Variants in PCK2 observed in about 807,000 individuals in gnomAD.
The protein encoded by PCK2 is phosphoenolpyruvate carboxykinase 2, mitochondrial, also known as phosphoenolpyruvate carboxykinase [GTP], mitochondrial.
PCK2 carries 56 observed loss-of-function variants against 65.9 expected under a neutral mutation model. The observed-to-expected ratio is 0.85, with a 90% CI of 0.69 to 1.06. The LOEUF is 1.06. Ranked by LOEUF, PCK2 falls within the 50% of genes least tolerant of loss-of-function variation. PCK2 has a pLI of 0.00. For missense variants in PCK2, 843 were observed against 863.1 expected (o/e 0.98, Z 0.29); for synonymous variants, 305 against 319.6 (o/e 0.95, Z 0.49).
Position 24,099,346 on chromosome 14 carries a change from G to A in PCK2, c.852+110G>A, listed in dbSNP as rs570889895. 4.7e-5 allele frequency: 55 copies of A among 1,165,436 alleles called. No individual in the cohort carries two copies. In the East Asian group the frequency reaches 7.4e-4, roughly 16 times the overall value. The allele number at this position is 1,165,436 out of a possible 1,614,324, so 72.2% of individuals were successfully genotyped here. A position where few individuals can be genotyped will look rare whatever the true frequency, so the allele number is the denominator to read the frequency against. On this transcript the variant is annotated intron_variant, in intron 5 of 9. Coordinates refer to ENST00000216780, the MANE Select transcript of PCK2 (RefSeq NM_004563.4). ...CCTGCCAGGTGCCAGGCTGGTGGGC[G>A]GGGACTCTACTTGAAGGCCCAAAGC... is the stretch of plus-strand genomic sequence containing the variant.
chr14:24,098,443 A>G (rs754795214), intron 3 of PCK2, 32 bp from the exon 4 acceptor site: 24 of 1,613,368 alleles, frequency 1.5e-5, no homozygotes, highest in Non-Finnish European at 1.9e-5. Context: ...CAGGTTTGGA[A>G]CCCTTCATCC....
intron 2 of PCK2, among the ~76,000 whole-genome samples, chr14:24,097,645 T>C (rs1436735196): frequency 6.6e-6 from 1 of 150,396 alleles, no homozygotes; most frequent in Non-Finnish European, 1.5e-5. Flanking sequence ...TGGAGTGCAG[T>C]GGCATGATTT....
Position 24,103,509 on chromosome 14 carries a change from G to C in PCK2, c.1469-1G>C. The C allele has an allele frequency of 1.0e-5, 16 of 1,543,578 alleles. No homozygotes were observed. The highest frequency in any genetic ancestry group is 1.4e-5 in the Non-Finnish European group (16 of 1,144,584). ...CCTTACCCATCTTGCTTCCCCCCCA[G>C]GGAAGATCATCATGCACGACCCATT... On this transcript the variant is annotated splice_acceptor_variant, in intron 9 of 9. Transcript: ENST00000216780. LOFTEE classifies it high-confidence loss of function.
rs149467663 is a variant in PCK2 at position 24,100,023 on chromosome 14, C to T, written c.1044C>T (p.Asn348=). The stretch of plus-strand genomic sequence containing the variant: ...GACTCCGGGCCATCAACCCTGAGAA[C>T]GGCTTCTTTGGGGTTGCCCCTGGTA... ...EGRLRAINPE[N]GFFGVAPGTS... Residue 348 remains asparagine (N), a synonymous_variant, in exon 7 of 10, where the codon AAC becomes AAT. Coordinates refer to ENST00000216780, the MANE Select transcript of PCK2 (RefSeq NM_004563.4). 7.7e-4 allele frequency: 1,250 copies of T among 1,614,106 alleles called. 2 individuals carry two copies. Among genetic ancestry groups the T allele is most frequent in the Non-Finnish European group, 1.0e-3 (1,197 of 1,179,952 alleles).
chr14:24,100,834 T>C (rs2037134362), intron 7 of PCK2, among the ~76,000 whole-genome samples: 1 of 152,176 alleles, frequency 6.6e-6, no homozygotes, highest in Non-Finnish European at 1.5e-5. Context: ...ATCAGGTCAG[T>C]GCTTGAGTCT....
chr14:24,098,567 G>C lies in PCK2; in HGVS notation c.553G>C (p.Val185Leu). Residue 185 changes from valine (V) to leucine (L), a missense_variant, in exon 4 of 10, where the codon GTG (valine) becomes CTG (leucine). Coordinates refer to ENST00000216780, the MANE Select transcript of PCK2 (RefSeq NM_004563.4). Reference sequence around the variant, plus strand: ...GCAGCTCACTGACTCAGCCTATGTGGTGGCAAGCATGCGTATTATGACCCG... The same window carrying C: ...GCAGCTCACTGACTCAGCCTATGTGCTGGCAAGCATGCGTATTATGACCCG... Reference protein sequence around the residue: ...GVQLTDSAYVVASMRIMTRLG... With the variant: ...GVQLTDSAYVLASMRIMTRLG... 6.2e-7 allele frequency: 1 copy of C among 1,614,184 alleles called. No homozygotes were observed. The highest frequency in any genetic ancestry group is 1.1e-5 in the South Asian group (1 of 91,092).
chr14:24,094,916 C>G lies in PCK2; in HGVS notation c.29+482C>G, dbSNP rs1054106343. On this transcript the variant is annotated intron_variant, in intron 1 of 9. Transcript: ENST00000216780. The surrounding 1 kb of genome is among the most constrained non-coding windows in gnomAD (Gnocchi z 4.1). The stretch of plus-strand genomic sequence containing the variant: ...TGGAAGGTTAAATATCCATTCCCGG[C>G]CTCTCCCGGACTGGAAGGACTGGAA... The G allele has an allele frequency of 3.5e-6, 4 of 1,158,184 alleles. No individual in the cohort carries two copies. The African/African-American group carries it at 6.3e-5, about 18-fold the overall frequency. The allele number at this position is 1,158,184 out of a possible 1,614,324, so 71.7% of individuals were successfully genotyped here. A position where few individuals can be genotyped will look rare whatever the true frequency, so the allele number is the denominator to read the frequency against.
rs147825391 is a variant in PCK2 at position 24,097,235 on chromosome 14, G to T, written c.275+98G>T. The T allele has an allele frequency of 8.1e-6, 9 of 1,110,304 alleles. No homozygotes were observed. In the East Asian group the frequency reaches 2.1e-4, roughly 27 times the overall value. 68.8% of individuals were successfully genotyped at this position (1,110,304 alleles called of 1,614,324 possible). A position where few individuals can be genotyped will look rare whatever the true frequency, so the allele number is the denominator to read the frequency against. ...CTTAACTAGAACATCCCAATGGAATGAACAAGAATGAGAGCTTTGGGGTAA... is the reference window on the plus strand; with the variant it reads ...CTTAACTAGAACATCCCAATGGAATTAACAAGAATGAGAGCTTTGGGGTAA... On this transcript the variant is annotated intron_variant, in intron 2 of 9. Transcript: ENST00000216780.
chr14:24,095,234 CACTT>C (rs760990386), intron 1 of PCK2: 13 of 455,950 alleles, frequency 2.9e-5, no homozygotes, highest in South Asian at 2.0e-4. Flanking sequence ...GGAAACGTCC[CACTT>C]AGAGGGCTGC....
rs77298044 is a variant in PCK2 at position 24,094,411 on chromosome 14, C to T, written c.6C>T (p.Ala2=). The T allele has an allele frequency of 0.031, 48,894 of 1,559,660 alleles. 922 individuals carry two copies. Among genetic ancestry groups the T allele is most frequent in the Non-Finnish European group, 0.038 (43,416 of 1,157,178 alleles). The part of the protein sequence containing the change: M[A]ALYRPGLRLN... ...GCAGCCCCTGCCCAGGTGCCATGGC[C>T]GCATTGTACCGCCCTGGCCTGCGGT... Residue 2 remains alanine (A), a synonymous_variant, in exon 1 of 10, where the codon GCC becomes GCT. Transcript: ENST00000216780. The surrounding 1 kb of genome is among the most constrained non-coding windows in gnomAD (Gnocchi z 4.1).
At chr14:24,097,519 G>A (rs1240550526) in intron 2 of PCK2, among the ~76,000 whole-genome samples, 4 of 150,978 alleles carry the variant, frequency 2.6e-5, no homozygotes, top group African/African-American at 7.3e-5. Flanking sequence ...AGCCAAGATC[G>A]CGTCATTGCA....
At position 24,100,232 on chromosome 14, in the gene PCK2, G is replaced by T. The variant is rs1330203150; in HGVS notation, c.1234+19G>T. 1 of 1,613,654 alleles carries T rather than the reference G, an allele frequency of 6.2e-7. No individual in the cohort carries two copies. Among genetic ancestry groups the T allele is most frequent in the Admixed American group, 1.7e-5 (1 of 59,946 alleles). ...AAACCTGGTATGTGCGGTGGGGAAGGTGTGGCACAGCCTCCAGGCCTCAGC... is the reference window on the plus strand; with the variant it reads ...AAACCTGGTATGTGCGGTGGGGAAGTTGTGGCACAGCCTCCAGGCCTCAGC... On this transcript the variant is annotated intron_variant, in intron 7 of 9. Transcript: ENST00000216780.
chr14:24,100,494 G>A, intron 7 of PCK2: 1 of 810,586 alleles, frequency 1.2e-6, no homozygotes, highest in Non-Finnish European at 1.8e-6. Flanking sequence ...TGAGATTGTT[G>A]GAGGATTAAA....
Position 24,094,452 on chromosome 14 carries a change from C to T in PCK2, c.29+18C>T, listed in dbSNP as rs1429837610. On this transcript the variant is annotated intron_variant, in intron 1 of 9. Transcript: ENST00000216780. The surrounding 1 kb of genome is among the most constrained non-coding windows in gnomAD (Gnocchi z 4.1). ...GGCCTGCGGTGAGTGACCCCCGGCC[C>T]GGGGCCCACCCGCACCTTCCGCTGC... The T allele has an allele frequency of 3.9e-6, 6 of 1,532,374 alleles. No individual in the cohort carries two copies. The Admixed American group carries it at 6.4e-5, about 16-fold the overall frequency. The allele number at this position is 1,532,374 out of a possible 1,614,324, so 94.9% of individuals were successfully genotyped here. A position where few individuals can be genotyped will look rare whatever the true frequency, so the allele number is the denominator to read the frequency against.
At position 24,103,658 on chromosome 14, in the gene PCK2, G is replaced by A. The variant is rs1175262229; in HGVS notation, c.1617G>A (p.Glu539=). The change falls in exon 10 of 10, where the codon GAG becomes GAA. Residue 539 remains glutamate, a synonymous_variant. Coordinates refer to ENST00000216780, the MANE Select transcript of PCK2 (RefSeq NM_004563.4). ...ATGTCAACTGGTTCCGGCGTGACGA[G>A]GCAGGGCACTTCCTGTGGCCAGGCT... ...IFHVNWFRRD[E]AGHFLWPGFG... 6.2e-6 allele frequency: 10 copies of A among 1,614,116 alleles called. No homozygotes were observed. Among genetic ancestry groups the A allele is most frequent in the African/African-American group, 1.3e-5 (1 of 74,948 alleles).
chr14:24,100,830 T>G (rs757166424), intron 7 of PCK2, among the ~76,000 whole-genome samples: 2 of 152,152 alleles, frequency 1.3e-5, no homozygotes, highest in Non-Finnish European at 2.9e-5. Context: ...CAAAATCAGG[T>G]CAGTGCTTGA....
Position 24,097,000 on chromosome 14 carries a change from T to C in PCK2, c.138T>C (p.Asp46=). Reference sequence around the variant, plus strand: ...GCCAGCTTCCCACTGGCATTCGAGATTTTGTAGAGCACAGTGCCCGCCTGT... The same window carrying C: ...GCCAGCTTCCCACTGGCATTCGAGACTTTGTAGAGCACAGTGCCCGCCTGT... ...DLGQLPTGIR[D]FVEHSARLCQ... The change falls in exon 2 of 10, where the codon GAT becomes GAC. Residue 46 remains aspartate, a synonymous_variant. Coordinates refer to ENST00000216780, the MANE Select transcript of PCK2 (RefSeq NM_004563.4). 1 of 1,613,306 alleles carries C rather than the reference T, an allele frequency of 6.2e-7. No homozygotes were observed. Among genetic ancestry groups the C allele is most frequent in the African/African-American group, 1.3e-5 (1 of 74,762 alleles).
rs2037006067 is a variant in PCK2 at position 24,098,546 on chromosome 14, C to T, written c.532C>T (p.Leu178Phe). Reference protein sequence around the residue: ...GSPLSRIGVQLTDSAYVVASM... With the variant: ...GSPLSRIGVQFTDSAYVVASM... ...CCCGCTGTCCCGCATCGGGGTGCAG[C>T]TCACTGACTCAGCCTATGTGGTGGC... Residue 178 changes from leucine to phenylalanine, a missense_variant, in exon 4 of 10, where the codon CTC becomes TTC. Leu to Phe is a conservative substitution (Grantham distance 22). Transcript: ENST00000216780. 1 of 1,614,078 alleles carries T rather than the reference C, an allele frequency of 6.2e-7. No individual in the cohort carries two copies. Among genetic ancestry groups the T allele is most frequent in the South Asian group, 1.1e-5 (1 of 91,088 alleles).
chr14:24,102,651 C>CAAA, intron 7 of PCK2, 102 bp from the exon 8 acceptor site: 1 of 881,880 alleles, frequency 1.1e-6, no homozygotes, highest in Non-Finnish European at 1.7e-6. Context: ...GCTGATGAGG[C>CAAA]AAAAAAAAAA....
Sources: gnomAD v4.1 joint callset for allele counts (sites outside exome capture counted in the v4.1 genomes callset) on GRCh38, gnomAD v4.1.1 for gene constraint, Gnocchi (gnomAD v3.1) non-coding constraint, MANE v1.5 for transcripts, NCBI Gene and HGNC (gene_info 2026-07-23, HGNC 2026-07-21) for gene names.